Variants in ZFPL1 observed in about 807,000 individuals in gnomAD.
ZFPL1 encodes the protein zinc finger protein-like 1.
In ZFPL1, 28 loss-of-function variants were observed where a neutral mutation model predicts 32.0. The observed-to-expected ratio is 0.87, with a 90% confidence interval of 0.65 to 1.20. ZFPL1 has a LOEUF of 1.20. Ranked by LOEUF, ZFPL1 falls within the 50% of genes most tolerant of loss-of-function variation. The pLI is 0.00. For missense variants in ZFPL1, 386 were observed against 424.8 expected, an observed-to-expected ratio of 0.91 and a Z score of 0.80; for synonymous variants, 165 against 177.0, an observed-to-expected ratio of 0.93 and a Z score of 0.54.
rs780637226 is a variant in ZFPL1 at position 65,084,765 on chromosome 11, G to C, written c.67G>C (p.Val23Leu). The C allele has an allele frequency of 1.2e-6, 2 of 1,614,096 alleles. No homozygotes were observed. Among genetic ancestry groups the C allele is most frequent in the Non-Finnish European group, 1.7e-6 (2 of 1,180,022 alleles). Reference protein sequence around the residue: ...NLFCFEHRVNVCEHCLVANHA... With the variant: ...NLFCFEHRVNLCEHCLVANHA... ...GTTCTGCTTCGAACATCGGGTCAACGTCTGCGAGCACTGCCTGGTAGCCAA... is the reference window on the plus strand; with the variant it reads ...GTTCTGCTTCGAACATCGGGTCAACCTCTGCGAGCACTGCCTGGTAGCCAA... The change falls in exon 2 of 8, where the codon GTC (valine) becomes CTC (leucine). Residue 23 changes from valine (V) to leucine (L), a missense_variant. Physicochemically the swap from Val to Leu is conservative, Grantham distance 32 (BLOSUM62 1). Coordinates refer to ENST00000294258, the MANE Select transcript of ZFPL1 (RefSeq NM_006782.4).
chr11:65,085,367 C>T (rs768869049), intron 3 of ZFPL1, 141 bp downstream of exon 3: 13 of 738,034 alleles, frequency 1.8e-5, no homozygotes, highest in South Asian at 1.5e-4. Context: ...AAGTTCCTTA[C>T]CTGCTGTGTA....
At position 65,086,578 on chromosome 11, in the gene ZFPL1, C is replaced by A. The variant is rs2137165700; in HGVS notation, c.378C>A (p.Asn126Lys). The change falls in exon 4 of 8, where the codon AAC becomes AAA. Residue 126 changes from asparagine to lysine, a missense_variant. Asn to Lys is a moderately conservative substitution (Grantham distance 94). Coordinates refer to ENST00000294258, the MANE Select transcript of ZFPL1 (RefSeq NM_006782.4). ...SALREKLATV[N>K]WARAGLGLPL... ...TGAGAGAGAAGCTGGCCACAGTCAA[C>A]TGGGCCCGGGCAGGACTGGGCCTCC... 6.2e-7 allele frequency: 1 copy of A among 1,614,188 alleles called. No homozygotes were observed. The highest frequency in any genetic ancestry group is 1.6e-4 in the Middle Eastern group (1 of 6,062).
chr11:65,087,574 G>A lies in ZFPL1; in HGVS notation c.746+141G>A, dbSNP rs575210673. 1.2e-5 allele frequency: 9 copies of A among 778,190 alleles called. No individual in the cohort carries two copies. In the East Asian group the frequency reaches 1.8e-4, roughly 16 times the overall value. The allele number at this position is 778,190 out of a possible 1,614,324, so 48.2% of individuals were successfully genotyped here. ...ACCTGGTGCTGGGGCTGTGCAGAGA[G>A]GCCTTGGCTGTGCAGCAGAAGCTGT... On this transcript the variant is annotated intron_variant, in intron 7 of 7. Coordinates refer to ENST00000294258, the MANE Select transcript of ZFPL1 (RefSeq NM_006782.4).
rs765063664 is a variant in ZFPL1, at chr11:65,084,721, A to G, written c.23A>G (p.Lys8Arg). The change falls in exon 2 of 8, where the codon AAG becomes AGG. Residue 8 changes from lysine to arginine, a missense_variant. Physicochemically the swap from Lys to Arg is conservative, Grantham distance 26 (BLOSUM62 2). Transcript: ENST00000294258. Reference sequence around the variant, plus strand: ...ATCATGGGGCTTTGTAAGTGCCCCAAGAGAAAGGTGACCAACCTGTTCTGC... The same window carrying G: ...ATCATGGGGCTTTGTAAGTGCCCCAGGAGAAAGGTGACCAACCTGTTCTGC... Reference protein sequence around the residue: MGLCKCPKRKVTNLFCFE... With the variant: MGLCKCPRRKVTNLFCFE... The G allele has an allele frequency of 6.2e-7, 1 of 1,614,166 alleles. No individual in the cohort carries two copies. Among genetic ancestry groups the G allele is most frequent in the Non-Finnish European group, 8.5e-7 (1 of 1,180,028 alleles).
Position 65,084,310 on chromosome 11 carries a change from G to A in ZFPL1, c.-77G>A, listed in dbSNP as rs1421356934. The A allele has an allele frequency of 1.9e-6, 1 of 521,968 alleles. No homozygotes were observed. Among genetic ancestry groups the A allele is most frequent in the Non-Finnish European group, 3.4e-6 (1 of 295,030 alleles). 32.3% of individuals were successfully genotyped at this position (521,968 alleles called of 1,614,324 possible). ...TGGGGAGAGTGGTCCCTGCCCTTCC[G>A]CGCCTCGAGCCATCGCTACCGCCCT... On this transcript the variant is annotated 5_prime_UTR_variant, in exon 1 of 8. Coordinates refer to ENST00000294258, the MANE Select transcript of ZFPL1 (RefSeq NM_006782.4).
chr11:65,085,928 G>A (rs1947673856), intron 3 of ZFPL1: 1 of 202,740 alleles, frequency 4.9e-6, no homozygotes, highest in East Asian at 1.4e-4. Flanking sequence ...GCAAACCTGT[G>A]AGTGTATAGA....
rs1947699741 is a variant in ZFPL1, at chr11:65,088,270, C to T, written c.*156C>T. 1.8e-6 allele frequency: 2 copies of T among 1,135,242 alleles called. No homozygotes were observed. The highest frequency in any genetic ancestry group is 3.1e-5 in the African/African-American group (2 of 64,252). 70.3% of individuals were successfully genotyped at this position (1,135,242 alleles called of 1,614,324 possible). On this transcript the variant is annotated 3_prime_UTR_variant, in exon 8 of 8. Coordinates refer to ENST00000294258, the MANE Select transcript of ZFPL1 (RefSeq NM_006782.4). Reference sequence around the variant, plus strand: ...AAAGCCAAGTCCACCAGAGTGGCTGCAGGCCAGGCCTGGAGTCCCCGTGGG... The same window carrying T: ...AAAGCCAAGTCCACCAGAGTGGCTGTAGGCCAGGCCTGGAGTCCCCGTGGG...
rs1661602555 is a variant in ZFPL1 at position 65,088,136 on chromosome 11, C to A, written c.*22C>A. ...CTGAGCCCCCTTGCTTGTGGCTAGG[C>A]CAGCCTAGGATGTGGGTTCTGTGGA... On this transcript the variant is annotated 3_prime_UTR_variant, in exon 8 of 8. Transcript: ENST00000294258. 2 of 1,596,258 alleles carry A rather than the reference C, an allele frequency of 1.3e-6. No homozygotes were observed. Among genetic ancestry groups the A allele is most frequent in the African/African-American group, 1.3e-5 (1 of 74,174 alleles).
chr11:65,086,846 C>A, intron 5 of ZFPL1, 54 bp downstream of exon 5: 1 of 1,613,948 alleles, frequency 6.2e-7, no homozygotes, highest in South Asian at 1.1e-5. Flanking sequence ...GCTCTGCTGA[C>A]AGCTCCCTTG....
At chr11:65,086,228 C>T (rs1212984125) in intron 3 of ZFPL1, 187 bp from the exon 4 acceptor site, 2 of 810,206 alleles carry the variant, frequency 2.5e-6, no homozygotes, top group Non-Finnish European at 2.0e-6. Context: ...CTTGGTAGCA[C>T]CTGCCTGGAC....
intron 3 of ZFPL1, 39 bp from the exon 4 acceptor site, chr11:65,086,376 T>G (rs1281832007): frequency 9.9e-6 from 16 of 1,613,362 alleles, no homozygotes; most frequent in Non-Finnish European, 1.4e-5. Flanking sequence ...AAGTGTCTTC[T>G]TCCTCATGTC....
At chr11:65,087,290 T>C (rs930549124) in intron 6 of ZFPL1, 26 bp from the exon 7 acceptor site, 13 of 1,611,474 alleles carry the variant, frequency 8.1e-6, no homozygotes, top group Middle Eastern at 1.7e-4. Flanking sequence ...CCTGAGTCTA[T>C]TGATGCTAGT....
At chr11:65,086,221 G>A in intron 3 of ZFPL1, 194 bp from the exon 4 acceptor site, 1 of 759,648 alleles carries the variant, frequency 1.3e-6, no homozygotes, top group South Asian at 1.7e-5. Flanking sequence ...TGGACAGCTT[G>A]GTAGCACCTG....
chr11:65,087,132 A>G lies in ZFPL1; in HGVS notation c.628+58A>G, dbSNP rs370349695. The G allele has an allele frequency of 2.5e-5, 40 of 1,583,448 alleles. 2 individuals carry two copies. The highest frequency in any genetic ancestry group is 2.2e-4 in the African/African-American group (16 of 74,306). ...ATAGGAAGAGGGTGGAATGGTTTGT[A>G]TAGGGGGAGCTTGAGGATCCAGAGA... is the stretch of plus-strand genomic sequence containing the variant. On this transcript the variant is annotated intron_variant, in intron 6 of 7. Transcript: ENST00000294258.
chr11:65,084,941 T>A, intron 2 of ZFPL1, 141 bp downstream of exon 2: 1 of 1,100,986 alleles, frequency 9.1e-7, no homozygotes, highest in South Asian at 1.3e-5. Context: ...CACTGATATA[T>A]CCCCCGTTCC....
At position 65,088,308 on chromosome 11, in the gene ZFPL1, C is replaced by A. The variant is rs1947700026; in HGVS notation, c.*194C>A. The A allele has an allele frequency of 3.6e-6, 4 of 1,115,366 alleles. No homozygotes were observed. In the South Asian group the frequency reaches 5.5e-5, roughly 15 times the overall value. The allele number at this position is 1,115,366 out of a possible 1,614,324, so 69.1% of individuals were successfully genotyped here. On this transcript the variant is annotated 3_prime_UTR_variant, in exon 8 of 8. Coordinates refer to ENST00000294258, the MANE Select transcript of ZFPL1 (RefSeq NM_006782.4). The stretch of plus-strand genomic sequence containing the variant: ...GAGTCCCCGTGGGTCAAGCATTTGT[C>A]TTGACTTGCTTTCCTCCCGGGTCTC...
chr11:65,084,870 C>T (rs779658586), intron 2 of ZFPL1, 70 bp downstream of exon 2: 1 of 1,559,386 alleles, frequency 6.4e-7, no homozygotes, highest in South Asian at 1.1e-5. Flanking sequence ...CCTCCAAATC[C>T]ATGAGGGGCC....
chr11:65,087,393 C>G lies in ZFPL1; in HGVS notation c.706C>G (p.Arg236Gly). Reference sequence around the variant, plus strand: ...TGGAGACTGTGACGATGACAAGTACCGACGTCGGCCGGCCTTGGGTTGGCT... The same window carrying G: ...TGGAGACTGTGACGATGACAAGTACGGACGTCGGCCGGCCTTGGGTTGGCT... ...LHGDCDDDKY[R>G]RRPALGWLAR... The change falls in exon 7 of 8, where the codon CGA (arginine) becomes GGA (glycine). Residue 236 changes from arginine to glycine, a missense_variant. Coordinates refer to ENST00000294258, the MANE Select transcript of ZFPL1 (RefSeq NM_006782.4). 6.2e-7 allele frequency: 1 copy of G among 1,614,060 alleles called. No individual in the cohort carries two copies. Among genetic ancestry groups the G allele is most frequent in the Non-Finnish European group, 8.5e-7 (1 of 1,179,994 alleles).
chr11:65,087,213 C>A, intron 6 of ZFPL1, 103 bp from the exon 7 acceptor site: 1 of 1,556,042 alleles, frequency 6.4e-7, no homozygotes, highest in Non-Finnish European at 8.8e-7. Flanking sequence ...CCTCACAATT[C>A]TGAGATGTTC....
Sources: gnomAD v4.1 joint callset for allele counts on GRCh38, gnomAD v4.1.1 for gene constraint, MANE v1.5 for transcripts, NCBI Gene and HGNC (gene_info 2026-07-23, HGNC 2026-07-21) for gene names.